Variants in ANKFN1 observed in about 807,000 individuals in gnomAD.
ANKFN1 encodes the protein ankyrin repeat and fibronectin type-III domain-containing protein 1.
Under a neutral mutation model 108.7 loss-of-function variants are expected in ANKFN1, and 74 were observed. The ratio of observed to expected loss-of-function variants is 0.68; its 90% CI spans 0.56 to 0.83. ANKFN1 has a LOEUF of 0.83. Ranked by LOEUF, ANKFN1 falls within the 40% of genes least tolerant of loss-of-function variation. ANKFN1 has a pLI of 0.00. For missense variants in ANKFN1, 1,505 were observed against 1,382.3 expected, an observed-to-expected ratio of 1.09 and a Z score of -1.41; for synonymous variants, 547 against 516.2, an observed-to-expected ratio of 1.06 and a Z score of -0.81.
chr17:56,456,806 G>T, intron 11 of ANKFN1, 55 bp from the exon 12 acceptor site: 1 of 1,412,144 alleles, frequency 7.1e-7, no homozygotes, highest in Non-Finnish European at 1.0e-6. Context: ...AATGGAATTG[G>T]GGGTGTTGAT....
chr17:56,433,344 G>A (rs1264606030), intron 8 of ANKFN1, among the ~76,000 whole-genome samples: 1 of 152,048 alleles, frequency 6.6e-6, no homozygotes, highest in Non-Finnish European at 1.5e-5. Flanking sequence ...AATGACATAA[G>A]CAACTTCTTT....
chr17:56,493,047 C>T (rs1311078469), intron 19 of ANKFN1, among the ~76,000 whole-genome samples: 1 of 152,070 alleles, frequency 6.6e-6, no homozygotes, highest in Non-Finnish European at 1.5e-5. Context: ...AGCAATAGCC[C>T]CATGATAAAT....
chr17:56,185,434 C>T (rs1457975872), intron 1 of ANKFN1, among the ~76,000 whole-genome samples: 3 of 152,126 alleles, frequency 2.0e-5, no homozygotes, highest in African/African-American at 7.2e-5. Context: ...ACCCCCCTTC[C>T]CATAATACCA....
chr17:56,158,403 A>T (rs1909314482), intron 1 of ANKFN1, among the ~76,000 whole-genome samples: 1 of 152,220 alleles, frequency 6.6e-6, no homozygotes, highest in African/African-American at 2.4e-5. Flanking sequence ...GCCTTCTTCC[A>T]TCCTGGTGCT....
At chr17:56,127,665 A>T (rs1159682072) in intron 4 of ANKFN1, among the ~76,000 whole-genome samples, 1 of 152,200 alleles carries the variant, frequency 6.6e-6, no homozygotes, top group Non-Finnish European at 1.5e-5. Context: ...TCTTCTGCTC[A>T]TAATGCATTA....
chr17:56,310,568 G>T (rs908725503), intron 3 of ANKFN1, among the ~76,000 whole-genome samples: 1 of 150,548 alleles, frequency 6.6e-6, no homozygotes, highest in Non-Finnish European at 1.5e-5. Context: ...AGTGAGCCGA[G>T]ATCGAGCCAC....
At chr17:56,453,198 ATC>A (rs2145216221) in intron 11 of ANKFN1, among the ~76,000 whole-genome samples, 1 of 152,142 alleles carries the variant, frequency 6.6e-6, no homozygotes, top group African/African-American at 2.4e-5. Context: ...GTAATGATGT[ATC>A]TCTTTTTACC....
chr17:56,150,440 T>C (rs186163113), upstream of ANKFN1, among the ~76,000 whole-genome samples: 1 of 152,290 alleles, frequency 6.6e-6, no homozygotes, highest in Admixed American at 6.5e-5. Context: ...CACCACTCTT[T>C]ATTACCTGAC....
chr17:56,436,091 T>C lies in ANKFN1; in HGVS notation c.911-4236T>C, dbSNP rs1487858176. ...TTAATCTTCCAGCCTGTGATTTACA[T>C]AGCTGCCATCAGATAATGGCAGTGT... On this transcript the variant is annotated intron_variant, in intron 8 of 20. Transcript: ENST00000682825. 5.9e-5 allele frequency among the ~76,000 whole-genome samples: 9 copies of C among 152,126 alleles called. 1 individual carries two copies. The highest frequency in any genetic ancestry group is 5.9e-5 in the Non-Finnish European group (4 of 68,034).
intron 8 of ANKFN1, among the ~76,000 whole-genome samples, chr17:56,376,192 C>T (rs935100268): frequency 1.6e-4 from 25 of 152,226 alleles, no homozygotes; most frequent in African/African-American, 5.8e-4. Flanking sequence ...GCCTGTCCCT[C>T]TGGGGAACTT....
chr17:56,161,155 C>T (rs907010967), intron 1 of ANKFN1, among the ~76,000 whole-genome samples: 11 of 152,148 alleles, frequency 7.2e-5, no homozygotes, highest in Non-Finnish European at 1.0e-4. Flanking sequence ...GTAATAGTAT[C>T]GACCTCAGAG....
intron 3 of ANKFN1, among the ~76,000 whole-genome samples, chr17:56,255,121 C>G (rs191551405): frequency 6.6e-6 from 1 of 152,328 alleles, no homozygotes; most frequent in East Asian, 1.9e-4. Flanking sequence ...TCTAAACCAG[C>G]CTTGACCATG....
intron 3 of ANKFN1, among the ~76,000 whole-genome samples, chr17:56,269,038 T>C (rs1598330386): frequency 6.6e-6 from 1 of 152,228 alleles, no homozygotes; most frequent in East Asian, 1.9e-4. Flanking sequence ...TGGCAGTTTT[T>C]TGGGGGTAGT....
chr17:56,062,713 T>C (rs768692717), intron 4 of ANKFN1, among the ~76,000 whole-genome samples: 2 of 152,194 alleles, frequency 1.3e-5, no homozygotes, highest in African/African-American at 2.4e-5. Context: ...TGTCTTTTAA[T>C]TGGGGCATTT....
rs938349583 is a variant in ANKFN1 at position 56,093,045 on chromosome 17, T to C, written c.288+46720T>C. On this transcript the variant is annotated intron_variant, in intron 4 of 12. Transcript: ENST00000635860. Reference sequence around the variant, plus strand: ...ATTAATTCATAATCAAACAAATTAATAATTTTAATCATATCTGCAAAATCC... The same window carrying C: ...ATTAATTCATAATCAAACAAATTAACAATTTTAATCATATCTGCAAAATCC... 3.3e-5 allele frequency among the ~76,000 whole-genome samples: 5 copies of C among 151,144 alleles called. No individual in the cohort carries two copies. The South Asian group carries it at 1.0e-3, about 32-fold the overall frequency.
chr17:56,252,298 T>C (rs2043253337), intron 3 of ANKFN1: 1 of 152,220 alleles, frequency 6.6e-6, no homozygotes, highest in Non-Finnish European at 1.5e-5. Flanking sequence ...GAACCAAGAC[T>C]AGAATTCTTG....
At chr17:56,255,771 C>A (rs754108816) in intron 3 of ANKFN1, among the ~76,000 whole-genome samples, 1 of 152,098 alleles carries the variant, frequency 6.6e-6, no homozygotes, top group Non-Finnish European at 1.5e-5. Context: ...AAGTTTAAAA[C>A]GTTTGGGTAC....
chr17:56,280,917 G>C (rs191681385), intron 3 of ANKFN1, among the ~76,000 whole-genome samples: 1 of 152,236 alleles, frequency 6.6e-6, no homozygotes, highest in East Asian at 1.9e-4. Flanking sequence ...TTCTCATGCT[G>C]TTTTCATAAT....
chr17:56,386,639 AT>A (rs1051293297), intron 8 of ANKFN1, among the ~76,000 whole-genome samples: 16 of 116,210 alleles, frequency 1.4e-4, no homozygotes, highest in Non-Finnish European at 2.0e-4. Context: ...TCTCTTTCTA[AT>A]TTTTTTTTCT....
Sources: gnomAD v4.1 joint callset for allele counts (sites outside exome capture counted in the v4.1 genomes callset) on GRCh38, gnomAD v4.1.1 for gene constraint, MANE v1.5 for transcripts, NCBI Gene and HGNC (gene_info 2026-07-23, HGNC 2026-07-21) for gene names.